The following CADM1 variants were observed in gnomAD, a reference collection of about 807,000 sequenced individuals.
CADM1 encodes the protein TSLC-1.
A neutral mutation model predicts 53.1 loss-of-function variants in CADM1; 15 were observed. The ratio of observed to expected loss-of-function variants is 0.28; its 90% CI spans 0.19 to 0.44. The LOEUF (loss-of-function observed/expected upper bound fraction) is 0.44, where lower values mean the gene tolerates loss of function less well. Ranked by LOEUF, CADM1 falls within the 20% of genes least tolerant of loss-of-function variation. The pLI, the probability that CADM1 is intolerant of heterozygous loss-of-function variation, is 1.00. For synonymous variants in CADM1, 281 were observed against 243.0 expected (o/e 1.16, Z -1.45); for missense variants, 434 against 611.3 (o/e 0.71, Z 3.06).
chr11:115,492,164 G>C (rs1949511215), intron 1 of CADM1, among the ~76,000 whole-genome samples: 1 of 151,622 alleles, frequency 6.6e-6, no homozygotes, highest in African/African-American at 2.4e-5. Flanking sequence ...TGAGGAGGAA[G>C]GTCATCATAA....
intron 1 of CADM1, among the ~76,000 whole-genome samples, chr11:115,347,659 G>A (rs927366713): frequency 6.6e-6 from 1 of 152,140 alleles, no homozygotes; most frequent in Non-Finnish European, 1.5e-5. Flanking sequence ...TAACAATTCT[G>A]CTAGGCTGCT....
chr11:115,277,830 AAAG>A (rs943981206), intron 1 of CADM1, among the ~76,000 whole-genome samples: 4 of 152,228 alleles, frequency 2.6e-5, no homozygotes, highest in Non-Finnish European at 4.4e-5. Flanking sequence ...GAATAGACAA[AAAG>A]AAGAATATGA....
At chr11:115,339,782 T>A (rs1945375769) in intron 1 of CADM1, among the ~76,000 whole-genome samples, 1 of 152,090 alleles carries the variant, frequency 6.6e-6, no homozygotes. Context: ...ATTAAGAGAG[T>A]GTATTTCCTT....
intron 3 of CADM1, among the ~76,000 whole-genome samples, chr11:115,234,893 CAAAAAAAAAAAAAAAA>C (rs57197514): frequency 2.7e-5 from 2 of 75,388 alleles, no homozygotes; most frequent in Non-Finnish European, 4.7e-5. Flanking sequence ...ACTCCGTCTC[CAAAAAAAAAAAAAAAA>C]AAAAAAAAAA....
chr11:115,476,586 T>C (rs1177649584), intron 1 of CADM1, among the ~76,000 whole-genome samples: 1 of 152,204 alleles, frequency 6.6e-6, no homozygotes. Flanking sequence ...AACATGATCC[T>C]AGAATTAAAC....
At position 115,452,366 on chromosome 11, in the gene CADM1, G is replaced by A. The variant is rs994091372; in HGVS notation, c.124+51905C>T. The stretch of plus-strand genomic sequence containing the variant: ...CAGCTCACCAACTGCACTTTAACCC[G>A]GAAACTAGAGGTGAAAGTCAAGTGC... On this transcript the variant is annotated intron_variant, in intron 1 of 11. Coordinates refer to ENST00000331581, the MANE Select transcript of CADM1 (RefSeq NM_001301043.2). Among the ~76,000 whole-genome samples the A allele has an allele frequency of 3.3e-5, 5 of 152,094 alleles. No homozygotes were observed. In the East Asian group the frequency reaches 5.8e-4, roughly 18 times the overall value.
intron 8 of CADM1, among the ~76,000 whole-genome samples, chr11:115,202,523 A>G (rs1474522294): frequency 6.6e-6 from 1 of 152,336 alleles, no homozygotes; most frequent in African/African-American, 2.4e-5. Flanking sequence ...AGTAAGGTGT[A>G]CATTAAAAAA....
intron 1 of CADM1, among the ~76,000 whole-genome samples, chr11:115,408,864 AT>A (rs1947382992): frequency 1.3e-5 from 2 of 152,318 alleles, no homozygotes; most frequent in South Asian, 4.1e-4. Flanking sequence ...AAAAGAGAAT[AT>A]TGGCAGGAAC....
chr11:115,262,805 T>C (rs909308243), intron 1 of CADM1, among the ~76,000 whole-genome samples: 9 of 152,126 alleles, frequency 5.9e-5, no homozygotes, highest in African/African-American at 2.2e-4. Flanking sequence ...TTTTTTTTTT[T>C]CTTTAAACAT....
At chr11:115,377,747 T>G (rs1817733867) in intron 1 of CADM1, 1 of 152,174 alleles carries the variant, frequency 6.6e-6, no homozygotes, top group Non-Finnish European at 1.5e-5. Context: ...TAAGAATATG[T>G]CCACTCTTGC....
chr11:115,194,817 G>A (rs140080982), intron 9 of CADM1, among the ~76,000 whole-genome samples: 9 of 152,256 alleles, frequency 5.9e-5, no homozygotes, highest in Middle Eastern at 3.4e-3. Context: ...GGGTGGGGAA[G>A]GGGAGAGGGG....
At chr11:115,409,343 C>T (rs532096803) in intron 1 of CADM1, among the ~76,000 whole-genome samples, 1 of 152,270 alleles carries the variant, frequency 6.6e-6, no homozygotes, top group South Asian at 2.1e-4. Flanking sequence ...CCAGGTAGCG[C>T]TAATCCTCAA....
At chr11:115,356,960 A>G (rs1945889771) in intron 1 of CADM1, among the ~76,000 whole-genome samples, 1 of 152,248 alleles carries the variant, frequency 6.6e-6, no homozygotes, top group African/African-American at 2.4e-5. Context: ...CAACTGTGTT[A>G]TAACATTACA....
At chr11:115,206,762 T>TTTTTTTTTTTG (rs1940713111) in intron 8 of CADM1, among the ~76,000 whole-genome samples, 1 of 111,540 alleles carries the variant, frequency 9.0e-6, no homozygotes, top group African/African-American at 4.0e-5. Context: ...GGACTTCTTT[T>TTTTTTTTTTTG]TTTTTTTTTT....
At chr11:115,443,276 AC>A (rs1323977037) in intron 1 of CADM1, among the ~76,000 whole-genome samples, 1 of 152,206 alleles carries the variant, frequency 6.6e-6, no homozygotes, top group Non-Finnish European at 1.5e-5. Flanking sequence ...AACCAAAACA[AC>A]CGATCTTCTG....
chr11:115,334,838 A>AACT (rs1394138751), intron 1 of CADM1, among the ~76,000 whole-genome samples: 1 of 152,170 alleles, frequency 6.6e-6, no homozygotes, highest in Non-Finnish European at 1.5e-5. Flanking sequence ...TGAACATAAA[A>AACT]ACTAAATGTG....
In CADM1 at chr11:115,172,529, A is replaced by G. The variant is rs558710176; in HGVS notation, c.*3945T>C. On this transcript the variant is annotated 3_prime_UTR_variant, in exon 12 of 12. Transcript: ENST00000331581. ...TCTAGGGACTCACCAGCCTTCACTG[A>G]TTACCCTTCTCCAGAAAATTCTCAT... 6.6e-6 allele frequency: 1 copy of G among 152,164 alleles called. No homozygotes were observed. The highest frequency in any genetic ancestry group is 2.1e-4 in the South Asian group (1 of 4,802). The allele number at this position is 152,164 out of a possible 1,614,324, so 9.4% of individuals were successfully genotyped here. A position where few individuals can be genotyped will look rare whatever the true frequency, so the allele number is the denominator to read the frequency against.
intron 1 of CADM1, among the ~76,000 whole-genome samples, chr11:115,252,835 T>G (rs1036746137): frequency 1.3e-5 from 2 of 152,202 alleles, no homozygotes; most frequent in Admixed American, 1.3e-4. Flanking sequence ...TAAACCTCTC[T>G]TTAAACACTG....
chr11:115,190,898 C>A lies in CADM1; in HGVS notation c.1155G>T (p.Glu385Asp). The change falls in exon 10 of 12, where the codon GAG (glutamate) becomes GAT (aspartate). Residue 385 changes from glutamate (E) to aspartate (D), a missense_variant. This residue lies in a region of CADM1 where 311 missense variants were observed against 435.1 expected (regional missense o/e 0.71). Coordinates refer to ENST00000331581, the MANE Select transcript of CADM1 (RefSeq NM_001301043.2). ...ATGACTAGCCCTTACCTGAGAGGTC[C>A]TCACTGTCCAGTTCTTCTGCGGAAT... is the stretch of plus-strand genomic sequence containing the variant. ...LPNSAEELDS[E>D]DLSDSRAGEE... is the part of the protein sequence containing the mutation. 6.3e-7 allele frequency: 1 copy of A among 1,595,158 alleles called. No individual in the cohort carries two copies. Among genetic ancestry groups the A allele is most frequent in the Non-Finnish European group, 8.5e-7 (1 of 1,178,532 alleles).
Sources: gnomAD v4.1 joint callset for allele counts (sites outside exome capture counted in the v4.1 genomes callset) on GRCh38, gnomAD v4.1.1 for gene constraint, gnomAD v4.1.1 regional missense constraint, MANE v1.5 for transcripts, NCBI Gene and HGNC (gene_info 2026-07-23, HGNC 2026-07-21) for gene names.